MPDZ: variants seen among roughly 807,000 people sequenced by gnomAD.
MPDZ encodes multiple PDZ domain protein.
In MPDZ, 234 loss-of-function variants were observed where a neutral mutation model predicts 239.1. That is an observed-to-expected ratio of 0.98 (90% CI 0.88 to 1.09). The LOEUF is 1.09. Among genes scored for constraint, MPDZ ranks in the 50% least tolerant of loss-of-function variants. The pLI is 0.00. For synonymous variants in MPDZ, 1,048 were observed against 881.3 expected, an observed-to-expected ratio of 1.19 and a Z score of -3.35; for missense variants, 3,175 against 2,510.0, an observed-to-expected ratio of 1.26 and a Z score of -5.66.
intron 16 of MPDZ, 140 bp downstream of exon 16, chr9:13,189,974 G>A: frequency 1.5e-6 from 1 of 677,060 alleles, no homozygotes; most frequent in South Asian, 2.6e-5. Flanking sequence ...ATGATAATCA[G>A]TGAATCCTAT....
At chr9:13,166,796 C>T (rs905862758) in intron 22 of MPDZ, among the ~76,000 whole-genome samples, 3 of 151,558 alleles carry the variant, frequency 2.0e-5, no homozygotes, top group Non-Finnish European at 4.4e-5. Flanking sequence ...AAATACACAA[C>T]AAAAAAATGA....
At chr9:13,152,479 T>C (rs1949304179) in intron 24 of MPDZ, among the ~76,000 whole-genome samples, 1 of 152,132 alleles carries the variant, frequency 6.6e-6, no homozygotes, top group Admixed American at 6.6e-5. Context: ...AGTTTCCCAG[T>C]ACAAGCTCTC....
At chr9:13,230,980 T>G (rs1166219803) in intron 3 of MPDZ, among the ~76,000 whole-genome samples, 1 of 150,242 alleles carries the variant, frequency 6.7e-6, no homozygotes, top group Non-Finnish European at 1.5e-5. Context: ...GAAAACCAAA[T>G]CAGAAAAGGA....
chr9:13,128,560 G>A (rs951085594), intron 32 of MPDZ, among the ~76,000 whole-genome samples: 18 of 152,160 alleles, frequency 1.2e-4, no homozygotes, highest in Admixed American at 6.5e-5. Flanking sequence ...TAGAAACTGT[G>A]AGACCATAAA....
chr9:13,278,700 A>G (rs1405177161), intron 1 of MPDZ, among the ~76,000 whole-genome samples: 2 of 152,062 alleles, frequency 1.3e-5, no homozygotes, highest in South Asian at 2.1e-4. Flanking sequence ...GCTCCCACCA[A>G]CGGGAGCGGC....
intron 24 of MPDZ, among the ~76,000 whole-genome samples, chr9:13,152,369 G>A (rs546220776): frequency 4.3e-4 from 65 of 152,234 alleles, no homozygotes; most frequent in African/African-American, 1.5e-3. Flanking sequence ...TTGTTGGTGG[G>A]ACCCGGTGGG....
In MPDZ at chr9:13,106,141, A is replaced by G. The variant is rs1173331609; in HGVS notation, c.*824T>C. On this transcript the variant is annotated 3_prime_UTR_variant, in exon 47 of 47. Coordinates refer to ENST00000319217, the MANE Select transcript of MPDZ (RefSeq NM_001378778.1). Reference sequence around the variant, plus strand: ...TCGGTTGTTAAAACCAGCACTAAAGATTCTGGAACCCTTCTATGTTCCTCT... The same window carrying G: ...TCGGTTGTTAAAACCAGCACTAAAGGTTCTGGAACCCTTCTATGTTCCTCT... 1.3e-5 allele frequency: 2 copies of G among 152,154 alleles called. No individual in the cohort carries two copies. Among genetic ancestry groups the G allele is most frequent in the Non-Finnish European group, 2.9e-5 (2 of 68,024 alleles). The allele number at this position is 152,154 out of a possible 1,614,324, so 9.4% of individuals were successfully genotyped here.
intron 17 of MPDZ, among the ~76,000 whole-genome samples, chr9:13,186,827 T>C (rs1398473080): frequency 2.0e-5 from 3 of 152,132 alleles, no homozygotes; most frequent in African/African-American, 7.2e-5. Flanking sequence ...TAAAAAGAAA[T>C]ATCAACTTCT....
intron 3 of MPDZ, among the ~76,000 whole-genome samples, chr9:13,238,428 T>C (rs1008695732): frequency 2.0e-5 from 3 of 152,066 alleles, no homozygotes; most frequent in African/African-American, 7.2e-5. Flanking sequence ...GACACCCCCT[T>C]CTCAAGCCCG....
chr9:13,159,164 TG>T (rs1950175744), intron 23 of MPDZ, among the ~76,000 whole-genome samples: 1 of 152,196 alleles, frequency 6.6e-6, no homozygotes, highest in South Asian at 2.1e-4. Flanking sequence ...GTCATCCATC[TG>T]AGCTTGAATG....
chr9:13,255,923 A>C (rs1418345170), intron 1 of MPDZ, among the ~76,000 whole-genome samples: 2 of 152,212 alleles, frequency 1.3e-5, no homozygotes. Context: ...GAAGCCAGAC[A>C]TTGACTTCTC....
At position 13,188,771 on chromosome 9, in the gene MPDZ, T is replaced by C. The variant is rs184231285; in HGVS notation, c.2364+13A>G. 96 of 1,606,284 alleles carry C rather than the reference T, an allele frequency of 6.0e-5. 1 individual carries two copies. The Admixed American group carries it at 6.4e-4, about 11-fold the overall frequency. Reference sequence around the variant, plus strand: ...ATAAATATAAAGGGAAGCAATAAAGTCTGAATTCTTACGGGTAAAGGCTTA... The same window carrying C: ...ATAAATATAAAGGGAAGCAATAAAGCCTGAATTCTTACGGGTAAAGGCTTA... On this transcript the variant is annotated intron_variant, in intron 17 of 46. Transcript: ENST00000319217.
intron 20 of MPDZ, 50 bp downstream of exon 20, chr9:13,176,086 A>C: frequency 6.7e-7 from 1 of 1,495,340 alleles, no homozygotes; most frequent in Non-Finnish European, 8.9e-7. Context: ...ACCTTACTTC[A>C]CTATTCCCTA....
intron 38 of MPDZ, 71 bp from the exon 39 acceptor site, chr9:13,119,720 T>C: frequency 6.3e-7 from 1 of 1,585,658 alleles, no homozygotes; most frequent in Non-Finnish European, 8.6e-7. Flanking sequence ...AATAAAAAGT[T>C]ACGTTTTTAC....
rs899013691 is a variant in MPDZ at position 13,106,709 on chromosome 9, A to G, written c.*256T>C. On this transcript the variant is annotated 3_prime_UTR_variant, in exon 47 of 47. Transcript: ENST00000319217. Reference sequence around the variant, plus strand: ...TGACTACAAAACATTAGATATCTCCACAAATAAAAACGAGATTCACCTACA... The same window carrying G: ...TGACTACAAAACATTAGATATCTCCGCAAATAAAAACGAGATTCACCTACA... 1 of 394,582 alleles carries G rather than the reference A, an allele frequency of 2.5e-6. No individual in the cohort carries two copies. Among genetic ancestry groups the G allele is most frequent in the African/African-American group, 2.0e-5 (1 of 50,626 alleles). The allele number at this position is 394,582 out of a possible 1,614,324, so 24.4% of individuals were successfully genotyped here.
chr9:13,113,466 G>C (rs1019678085), intron 41 of MPDZ, among the ~76,000 whole-genome samples: 3 of 152,148 alleles, frequency 2.0e-5, no homozygotes, highest in Non-Finnish European at 2.9e-5. Context: ...CATATTGTTA[G>C]TTTCTTCAAT....
intron 3 of MPDZ, among the ~76,000 whole-genome samples, chr9:13,245,558 C>T (rs913067105): frequency 6.6e-6 from 1 of 152,096 alleles, no homozygotes; most frequent in Non-Finnish European, 1.5e-5. Flanking sequence ...TCCTTGGTCC[C>T]TTTCAGTATT....
At chr9:13,197,175 A>ATT (rs1264699805) in intron 12 of MPDZ, among the ~76,000 whole-genome samples, 18 of 151,360 alleles carry the variant, frequency 1.2e-4, no homozygotes, top group East Asian at 3.9e-4. Flanking sequence ...ATATATATAT[A>ATT]TTTTTAGTTT....
intron 17 of MPDZ, among the ~76,000 whole-genome samples, chr9:13,187,136 T>C (rs564655223): frequency 3.3e-5 from 5 of 152,142 alleles, no homozygotes; most frequent in Admixed American, 6.6e-5. Flanking sequence ...AGAAGAATTA[T>C]AGGGGAAAAG....
Sources: allele counts gnomAD v4.1 joint callset (sites outside exome capture counted in the v4.1 genomes callset), GRCh38; gene constraint gnomAD v4.1.1; transcripts MANE v1.5; gene names NCBI Gene and HGNC (gene_info 2026-07-23, HGNC 2026-07-21).